FGF14: variants seen among roughly 807,000 people sequenced by gnomAD.
FGF14 encodes fibroblast growth factor 14.
A neutral mutation model predicts 25.5 loss-of-function variants in FGF14; 5 were observed. That is an observed-to-expected ratio of 0.20 (90% CI 0.10 to 0.41). FGF14 has a LOEUF of 0.41. FGF14 is among the 10% of genes least tolerant of loss of function. The pLI, the probability that FGF14 is intolerant of heterozygous loss-of-function variation, is 1.00. For synonymous variants in FGF14, 138 were observed against 118.3 expected (o/e 1.17, Z -1.08); for missense variants, 222 against 320.1 (o/e 0.69, Z 2.34).
intron 1 of FGF14, among the ~76,000 whole-genome samples, chr13:101,986,552 T>C (rs979879383): frequency 4.6e-5 from 7 of 152,076 alleles, no homozygotes; most frequent in African/African-American, 7.2e-5. Context: ...AGGGAAACAA[T>C]GAGTCAAAGT....
chr13:102,065,377 T>C (rs567040595), intron 1 of FGF14, among the ~76,000 whole-genome samples: 1 of 152,098 alleles, frequency 6.6e-6, no homozygotes, highest in Non-Finnish European at 1.5e-5. Context: ...ATAACTTATT[T>C]CAATCAACAA....
At chr13:101,790,409 C>A (rs372237747) in intron 3 of FGF14, among the ~76,000 whole-genome samples, 1 of 143,156 alleles carries the variant, frequency 7.0e-6, no homozygotes, top group African/African-American at 2.6e-5. Flanking sequence ...TATTCATTTT[C>A]TTTTTTTTTT....
At chr13:102,108,024 C>T (rs944024367) in intron 1 of FGF14, among the ~76,000 whole-genome samples, 6 of 152,090 alleles carry the variant, frequency 3.9e-5, no homozygotes, top group East Asian at 1.9e-4. Flanking sequence ...TTCTTCAGGA[C>T]ATTTATAAAT....
intron 1 of FGF14, among the ~76,000 whole-genome samples, chr13:102,106,429 C>G (rs890114236): frequency 4.6e-5 from 7 of 151,908 alleles, no homozygotes; most frequent in African/African-American, 1.7e-4. Context: ...AATAAATTAG[C>G]CAGGCACGGT....
At chr13:101,846,498 G>A (rs953093996) in intron 3 of FGF14, among the ~76,000 whole-genome samples, 7 of 151,978 alleles carry the variant, frequency 4.6e-5, no homozygotes, top group Non-Finnish European at 1.0e-4. Flanking sequence ...CATTTTTGCC[G>A]ACTCTTAAAT....
chr13:101,744,473 T>G (rs781214106), intron 3 of FGF14, among the ~76,000 whole-genome samples: 5 of 152,120 alleles, frequency 3.3e-5, no homozygotes, highest in Non-Finnish European at 5.9e-5. Context: ...ATGCATTATA[T>G]TCAATTAGAG....
intron 1 of FGF14, among the ~76,000 whole-genome samples, chr13:102,033,819 T>C (rs1214165601): frequency 6.6e-6 from 1 of 152,092 alleles, no homozygotes; most frequent in Non-Finnish European, 1.5e-5. Context: ...AATTTCACAA[T>C]TGCAATTCAA....
intron 1 of FGF14, among the ~76,000 whole-genome samples, chr13:102,006,727 CTTTTTTT>C (rs774872814): frequency 2.6e-4 from 16 of 61,966 alleles, no homozygotes; most frequent in Middle Eastern, 0.02. Flanking sequence ...AATCTTACTT[CTTTTTTT>C]TTTTTTTTTT....
In FGF14 at chr13:102,271,575, C is replaced by T. The variant is rs922429135; in HGVS notation, c.208+129896G>A. ...AGATGAGTGAGCTCCTTTGAGTACT[C>T]GTTCCATCTATTTAGGTTCACTGGA... On this transcript the variant is annotated intron_variant, in intron 1 of 4. Transcript: ENST00000376131. 7.9e-5 allele frequency among the ~76,000 whole-genome samples: 12 copies of T among 152,252 alleles called. 1 individual carries two copies. The highest frequency in any genetic ancestry group is 7.7e-4 in the East Asian group (4 of 5,184).
At position 102,255,278 on chromosome 13, in the gene FGF14, A is replaced by G. The variant is rs571506585; in HGVS notation, c.208+146193T>C. On this transcript the variant is annotated intron_variant, in intron 1 of 4. Coordinates refer to the FGF14 transcript ENST00000376131. ...GCCAGAAGGGAAATCCAAATGTCCAACCATCTTTCGGTATCAAGTACAGTG... is the reference window on the plus strand; with the variant it reads ...GCCAGAAGGGAAATCCAAATGTCCAGCCATCTTTCGGTATCAAGTACAGTG... Among the ~76,000 whole-genome samples the G allele has an allele frequency of 2.6e-5, 4 of 152,332 alleles. No homozygotes were observed. The East Asian group carries it at 5.8e-4, about 22-fold the overall frequency.
At chr13:101,917,458 A>G (rs2033648392), upstream of FGF14, among the ~76,000 whole-genome samples, 1 of 152,198 alleles carries the variant, frequency 6.6e-6, no homozygotes, top group African/African-American at 2.4e-5. Context: ...TTGAAGGAAC[A>G]TCGGGGCGCT....
chr13:101,927,791 A>C (rs941236976), intron 1 of FGF14, among the ~76,000 whole-genome samples: 3 of 152,024 alleles, frequency 2.0e-5, no homozygotes, highest in Non-Finnish European at 4.4e-5. Flanking sequence ...CTTTCCCAAC[A>C]CACAGCTCCT....
At chr13:102,172,129 C>T (rs1401809417) in intron 1 of FGF14, among the ~76,000 whole-genome samples, 1 of 151,904 alleles carries the variant, frequency 6.6e-6, no homozygotes, top group African/African-American at 2.4e-5. Context: ...TACACCTGGC[C>T]CTCTTCACCT....
chr13:101,759,863 A>G (rs907831595), intron 3 of FGF14, among the ~76,000 whole-genome samples: 1 of 152,220 alleles, frequency 6.6e-6, no homozygotes, highest in African/African-American at 2.4e-5. Flanking sequence ...AATGGAATTT[A>G]GATAAATGAA....
At chr13:101,802,117 G>A (rs7331453) in intron 3 of FGF14, 176,811 of 239,066 alleles carry the variant, frequency 0.74, 65,551 homozygotes, top group East Asian at 0.82. Flanking sequence ...ATTATGACCA[G>A]CTCAGGGAGG....
upstream of FGF14, among the ~76,000 whole-genome samples, chr13:101,917,592 C>T (rs1350393126): frequency 6.6e-6 from 1 of 151,902 alleles, no homozygotes; most frequent in Non-Finnish European, 1.5e-5. Context: ...GTGGTTTCCG[C>T]CCTCCCTGCT....
At chr13:102,317,862 A>C (rs1020761509) in intron 1 of FGF14, among the ~76,000 whole-genome samples, 1 of 152,198 alleles carries the variant, frequency 6.6e-6, no homozygotes, top group Non-Finnish European at 1.5e-5. Flanking sequence ...GACCATGTGG[A>C]AACCTTTGCT....
At position 101,714,731 on chromosome 13, in the gene FGF14, A is replaced by G; in HGVS notation, c.*8100T>C. 1.7e-6 allele frequency: 1 copy of G among 582,534 alleles called. No individual in the cohort carries two copies. The allele number at this position is 582,534 out of a possible 1,614,324, so 36.1% of individuals were successfully genotyped here. A position where few individuals can be genotyped will look rare whatever the true frequency, so the allele number is the denominator to read the frequency against. Reference sequence around the variant, plus strand: ...CTCACAAAAGCCTCACATTATTCCTAGGCATAGAAGAATACAAGAGAATGA... The same window carrying G: ...CTCACAAAAGCCTCACATTATTCCTGGGCATAGAAGAATACAAGAGAATGA... On this transcript the variant is annotated 3_prime_UTR_variant, in exon 5 of 5. Coordinates refer to ENST00000376143, the MANE Select transcript of FGF14 (RefSeq NM_004115.4).
At chr13:102,259,619 C>G (rs966868524) in intron 1 of FGF14, among the ~76,000 whole-genome samples, 30 of 152,314 alleles carry the variant, frequency 2.0e-4, no homozygotes, top group Middle Eastern at 3.4e-3. Flanking sequence ...CCCATCCACT[C>G]TTTGCTCTAT....
Sources: allele counts gnomAD v4.1 joint callset (sites outside exome capture counted in the v4.1 genomes callset), GRCh38; gene constraint gnomAD v4.1.1; transcripts MANE v1.5; gene names NCBI Gene and HGNC (gene_info 2026-07-23, HGNC 2026-07-21).